The following SIL1 variants were observed in gnomAD, a reference collection of about 807,000 sequenced individuals.
The protein encoded by SIL1 is nucleotide exchange factor SIL1.
In SIL1, 40 loss-of-function variants were observed where a neutral mutation model predicts 49.1. That is an observed-to-expected ratio of 0.81 (90% CI 0.63 to 1.06). The LOEUF (loss-of-function observed/expected upper bound fraction) is 1.06. SIL1 is among the 50% of genes least tolerant of loss of function. The probability of loss-of-function intolerance (pLI) is 0.00; values close to 1 mark genes in which losing one functional copy is unlikely to be tolerated. For missense variants in SIL1, 500 were observed against 572.6 expected (o/e 0.87, Z 1.29); for synonymous variants, 253 against 250.8 (o/e 1.01, Z -0.08).
At chr5:139,152,798 C>CA (rs1027890686) in intron 1 of SIL1, among the ~76,000 whole-genome samples, 10 of 152,126 alleles carry the variant, frequency 6.6e-5, no homozygotes, top group African/African-American at 2.4e-4. Context: ...TGATCAACAT[C>CA]AGCAGCTTCA....
At chr5:139,054,659 T>C (rs1198317457) in intron 3 of SIL1, among the ~76,000 whole-genome samples, 2 of 152,136 alleles carry the variant, frequency 1.3e-5, no homozygotes, top group Non-Finnish European at 2.9e-5. Context: ...GAAAAAAGCA[T>C]GTAAGTGTAT....
Position 138,948,636 on chromosome 5 carries a change from AT to A in SIL1, c.1030-1164del, listed in dbSNP as rs34900831. On this transcript the variant is annotated intron_variant, in intron 9 of 9. Transcript: ENST00000394817. The surrounding 1 kb of genome is among the most constrained non-coding windows in gnomAD (Gnocchi z 4.8). Reference sequence around the variant, plus strand: ...CTCCGACTTCCAGGTGCACCCCCGCATTGGCCCCATTCACTCCACGGCTCCC... The same window carrying A: ...CTCCGACTTCCAGGTGCACCCCCGCATGGCCCCATTCACTCCACGGCTCCC... Among the ~76,000 whole-genome samples the A allele has an allele frequency of 1, 152,234 of 152,236 alleles. 76,116 individuals are homozygous for A. The highest frequency in any genetic ancestry group is 1 in the Non-Finnish European group (68,022 of 68,022).
At chr5:138,973,556 G>C (rs1767329530) in intron 7 of SIL1, among the ~76,000 whole-genome samples, 1 of 152,036 alleles carries the variant, frequency 6.6e-6, no homozygotes, top group Non-Finnish European at 1.5e-5. Flanking sequence ...TGAGCTCCCA[G>C]GCTCAACTGA....
At chr5:139,072,814 T>C (rs965842934) in intron 3 of SIL1, among the ~76,000 whole-genome samples, 2 of 152,106 alleles carry the variant, frequency 1.3e-5, no homozygotes, top group African/African-American at 4.8e-5. Context: ...ACTGTACATC[T>C]GATAGTGATA....
chr5:139,135,813 C>T (rs1750963511), intron 1 of SIL1, among the ~76,000 whole-genome samples: 1 of 151,996 alleles, frequency 6.6e-6, no homozygotes, highest in Non-Finnish European at 1.5e-5. Context: ...ACCTGTAATC[C>T]CAGTACTTTG....
intron 7 of SIL1, among the ~76,000 whole-genome samples, chr5:138,974,878 C>T (rs1767364030): frequency 6.6e-6 from 1 of 152,136 alleles, no homozygotes. Flanking sequence ...TCATTTAATC[C>T]TCACATGAGT....
intron 1 of SIL1, among the ~76,000 whole-genome samples, chr5:139,171,945 A>G (rs936873082): frequency 6.6e-6 from 1 of 152,138 alleles, no homozygotes; most frequent in Non-Finnish European, 1.5e-5. Context: ...CTAGAGCTGG[A>G]AAGTACAATA....
chr5:139,018,238 A>G (rs1256588025), intron 7 of SIL1, among the ~76,000 whole-genome samples: 2 of 152,184 alleles, frequency 1.3e-5, no homozygotes, highest in Non-Finnish European at 2.9e-5. Flanking sequence ...ACAAATGTAT[A>G]TCAAAACCTT....
At chr5:139,169,747 C>G (rs747285027) in intron 1 of SIL1, among the ~76,000 whole-genome samples, 4 of 151,936 alleles carry the variant, frequency 2.6e-5, no homozygotes, top group Non-Finnish European at 2.9e-5. Flanking sequence ...TCCCAAAGTG[C>G]TGGGATTACA....
chr5:139,170,799 A>G (rs1751742413), intron 1 of SIL1, among the ~76,000 whole-genome samples: 1 of 148,488 alleles, frequency 6.7e-6, no homozygotes, highest in Non-Finnish European at 1.5e-5. Flanking sequence ...TGGCCAGGCC[A>G]GCCGCCCCGT....
intron 3 of SIL1, among the ~76,000 whole-genome samples, chr5:139,114,179 C>A (rs952088303): frequency 6.6e-6 from 1 of 152,186 alleles, no homozygotes; most frequent in Non-Finnish European, 1.5e-5. Flanking sequence ...CTCAGCCAGC[C>A]GGCTGCAAAG....
At chr5:139,063,273 G>A (rs1769635071) in intron 3 of SIL1, among the ~76,000 whole-genome samples, 2 of 152,186 alleles carry the variant, frequency 1.3e-5, no homozygotes, top group African/African-American at 4.8e-5. Context: ...CTTTAAGCAT[G>A]TGCAGTTACT....
intron 1 of SIL1, among the ~76,000 whole-genome samples, chr5:139,146,927 A>G (rs1751206970): frequency 6.6e-6 from 1 of 152,196 alleles, no homozygotes; most frequent in Admixed American, 6.5e-5. Flanking sequence ...TCTCTGTGCA[A>G]CTATCATAAG....
intron 4 of SIL1, among the ~76,000 whole-genome samples, chr5:139,047,221 T>A (rs1391797645): frequency 6.6e-6 from 1 of 152,226 alleles, no homozygotes; most frequent in Non-Finnish European, 1.5e-5. Context: ...AAAAGAGAGA[T>A]GTACTACGTT....
intron 7 of SIL1, among the ~76,000 whole-genome samples, chr5:138,991,705 A>G (rs1767764807): frequency 6.6e-6 from 1 of 152,244 alleles, no homozygotes; most frequent in South Asian, 2.1e-4. Context: ...CTATGGTTAC[A>G]GAAGAAGAGC....
chr5:139,108,688 C>T (rs1429794368), intron 3 of SIL1, among the ~76,000 whole-genome samples: 4 of 152,132 alleles, frequency 2.6e-5, no homozygotes, highest in South Asian at 2.1e-4. Flanking sequence ...GACTGATCAG[C>T]GAAATACGTG....
At chr5:139,021,061 T>C in intron 7 of SIL1, 110 bp downstream of exon 7, 1 of 1,490,742 alleles carries the variant, frequency 6.7e-7, no homozygotes, top group Non-Finnish European at 9.3e-7. Flanking sequence ...CTAGTTTCAT[T>C]GAGATGACAC....
At chr5:139,032,689 T>C (rs949597095) in intron 5 of SIL1, among the ~76,000 whole-genome samples, 3 of 152,246 alleles carry the variant, frequency 2.0e-5, no homozygotes, top group Admixed American at 2.0e-4. Context: ...TATCTGAACC[T>C]GGAGACTTCC....
intron 7 of SIL1, among the ~76,000 whole-genome samples, chr5:138,991,831 T>C (rs1387252020): frequency 6.6e-6 from 1 of 152,238 alleles, no homozygotes; most frequent in Non-Finnish European, 1.5e-5. Flanking sequence ...TCTATGTCCT[T>C]GTGACTTAAA....
Sources: gnomAD v4.1 joint callset for allele counts (sites outside exome capture counted in the v4.1 genomes callset) on GRCh38, gnomAD v4.1.1 for gene constraint, Gnocchi (gnomAD v3.1) non-coding constraint, MANE v1.5 for transcripts, NCBI Gene and HGNC (gene_info 2026-07-23, HGNC 2026-07-21) for gene names.